The following CD200 variants were observed in gnomAD, a reference collection of about 807,000 sequenced individuals.
CD200 encodes CD200 molecule.
Under a neutral mutation model 30.9 loss-of-function variants are expected in CD200, and 15 were observed. That is an observed-to-expected ratio of 0.49 (90% CI 0.32 to 0.75). CD200 has a LOEUF of 0.75. Ranked by LOEUF, CD200 falls within the 30% of genes least tolerant of loss-of-function variation. The probability of loss-of-function intolerance (pLI) is 0.03; values close to 1 mark genes in which losing one functional copy is unlikely to be tolerated. For missense variants in CD200, 262 were observed against 324.2 expected (o/e 0.81, Z 1.47); for synonymous variants, 134 against 126.2 (o/e 1.06, Z -0.41).
rs889796353 is a variant in CD200, at chr3:112,335,980, C to G, written c.12+2756C>G. 6.2e-6 allele frequency: 10 copies of G among 1,612,562 alleles called. No individual in the cohort carries two copies. The African/African-American group carries it at 1.3e-4, about 22-fold the overall frequency. On this transcript the variant is annotated intron_variant, in intron 1 of 5. Coordinates refer to ENST00000315711, the MANE Select transcript of CD200 (RefSeq NM_005944.7). ...ACAATTGGGGGCCCTCTCCTTACAGCTACACTCCTAGGAAAGACCACCATC... is the reference window on the plus strand; with the variant it reads ...ACAATTGGGGGCCCTCTCCTTACAGGTACACTCCTAGGAAAGACCACCATC...
At position 112,356,426 on chromosome 3, in the gene CD200, T is replaced by C. The variant is rs138241825; in HGVS notation, c.803-5117T>C. ...CATGATATTTCTATATATGTATACA[T>C]TGTGGAATGGCTAAATCAAGCTACT... On this transcript the variant is annotated intron_variant, in intron 5 of 5. Coordinates refer to ENST00000315711, the MANE Select transcript of CD200 (RefSeq NM_005944.7). Among the ~76,000 whole-genome samples the C allele has an allele frequency of 4.2e-3, 638 of 152,336 alleles. 13 individuals carry two copies. The highest frequency in any genetic ancestry group is 1.7e-3 in the Non-Finnish European group (116 of 68,028).
intron 2 of CD200, among the ~76,000 whole-genome samples, chr3:112,342,348 T>TC (rs2081272846): frequency 4.3e-4 from 4 of 9,380 alleles, no homozygotes; most frequent in African/African-American, 1.6e-3. Context: ...CTTCTTTCTT[T>TC]CTTTCTTTCT....
intron 1 of CD200, among the ~76,000 whole-genome samples, chr3:112,336,464 A>C (rs573179561): frequency 1.3e-5 from 2 of 152,262 alleles, no homozygotes; most frequent in East Asian, 3.9e-4. Flanking sequence ...AATGAATTCC[A>C]GCAGGGAAGT....
At chr3:112,335,967 C>T (rs2081106336) in intron 1 of CD200, 1 of 1,612,250 alleles carries the variant, frequency 6.2e-7, no homozygotes, top group Non-Finnish European at 8.5e-7. Context: ...AATTGGGGGC[C>T]CTCTCCTTAC....
At chr3:112,343,030 G>A (rs182570963) in intron 2 of CD200, among the ~76,000 whole-genome samples, 2 of 151,984 alleles carry the variant, frequency 1.3e-5, no homozygotes, top group South Asian at 2.1e-4. Context: ...TATTCATTTA[G>A]TATGAGTTAT....
intron 2 of CD200, among the ~76,000 whole-genome samples, chr3:112,344,148 G>A (rs2081330867): frequency 6.6e-6 from 1 of 152,058 alleles, no homozygotes; most frequent in African/African-American, 2.4e-5. Flanking sequence ...ATGTATTCAT[G>A]TCAAAGTATT....
intron 3 of CD200, among the ~76,000 whole-genome samples, chr3:112,346,292 A>T: frequency 6.9e-6 from 1 of 145,454 alleles, no homozygotes; most frequent in African/African-American, 2.6e-5. Flanking sequence ...CCTTCCTCCT[A>T]ATTTTTCTTT....
At chr3:112,338,687 T>C (rs2081173085) in intron 1 of CD200, among the ~76,000 whole-genome samples, 1 of 152,204 alleles carries the variant, frequency 6.6e-6, no homozygotes, top group Non-Finnish European at 1.5e-5. Context: ...AAAAACAGCT[T>C]CAAAATTGAA....
At chr3:112,333,857 T>C (rs1416239317) in intron 1 of CD200, 2 of 985,264 alleles carry the variant, frequency 2.0e-6, no homozygotes, top group African/African-American at 3.5e-5. Context: ...TAACCCCGGG[T>C]ATCTAGAGAA....
intron 2 of CD200, among the ~76,000 whole-genome samples, chr3:112,342,270 T>TGTCC (rs2081254515): frequency 8.4e-6 from 1 of 118,426 alleles, no homozygotes; most frequent in African/African-American, 3.3e-5. Context: ...CTCTGAGAAC[T>TGTCC]GTCCTTCCTT....
At chr3:112,358,426 GAAATGAACTTGTGATGCCT>G (rs2081670071) in intron 5 of CD200, among the ~76,000 whole-genome samples, 1 of 152,090 alleles carries the variant, frequency 6.6e-6, no homozygotes, top group Admixed American at 6.5e-5. Context: ...TGCGTATACT[GAAATGAACTTGTGATGCCT>G]AGATGAACTT....
In CD200 at chr3:112,348,332, C is replaced by T. The variant is rs764995811; in HGVS notation, c.694+502C>T. Among the ~76,000 whole-genome samples the T allele has an allele frequency of 1.4e-4, 22 of 151,888 alleles. 1 individual carries two copies. The highest frequency in any genetic ancestry group is 1.2e-4 in the Non-Finnish European group (8 of 67,932). On this transcript the variant is annotated intron_variant, in intron 4 of 5. Transcript: ENST00000315711. ...TTGGAAGGTTTCCTGGAAGAAGTGA[C>T]ATCTGTGATGAAATCACTGTATAAT... is the stretch of plus-strand genomic sequence containing the variant.
upstream of CD200, chr3:112,333,038 G>A: frequency 1.2e-6 from 1 of 851,494 alleles, no homozygotes; most frequent in Non-Finnish European, 1.8e-6. Flanking sequence ...CCCCCACACA[G>A]ACAGCCTCCG....
At position 112,356,357 on chromosome 3, in the gene CD200, T is replaced by C. The variant is rs902597012; in HGVS notation, c.803-5186T>C. ...ACTTATTATGAATTTTTGTTTTTAT[T>C]TTTTTAATTGAAAACAGAAATTTTA... On this transcript the variant is annotated intron_variant, in intron 5 of 5. Transcript: ENST00000315711. 5.5e-3 allele frequency among the ~76,000 whole-genome samples: 10 copies of C among 1,824 alleles called. No homozygotes were observed. The South Asian group carries it at 0.059, about 11-fold the overall frequency. 1.2% of individuals were successfully genotyped at this position (1,824 alleles called of 152,430 possible).
chr3:112,345,175 A>G lies in CD200; in HGVS notation c.308A>G (p.Asn103Ser), dbSNP rs1397819821. Residue 103 changes from asparagine (N) to serine (S), a missense_variant, in exon 3 of 6, where the codon AAC becomes AGC. Transcript: ENST00000315711. ...KINITQLGLQ[N>S]STITFWNITL... The stretch of plus-strand genomic sequence containing the variant: ...AACATTACCCAGCTGGGACTCCAAA[A>G]CTCAACCATCACCTTCTGGAATATC... The G allele has an allele frequency of 6.2e-7, 1 of 1,614,010 alleles. No individual in the cohort carries two copies. The highest frequency in any genetic ancestry group is 8.5e-7 in the Non-Finnish European group (1 of 1,179,954).
In CD200 at chr3:112,349,816, C is replaced by G. The variant is rs758841257; in HGVS notation, c.799C>G (p.Arg267Gly). The G allele has an allele frequency of 6.2e-7, 1 of 1,605,936 alleles. No homozygotes were observed. The highest frequency in any genetic ancestry group is 8.5e-7 in the Non-Finnish European group (1 of 1,176,904). Residue 267 changes from arginine (R) to glycine (G), a missense_variant, in exon 5 of 6, where the codon CGA becomes GGA. Arg to Gly is a moderately radical substitution (Grantham distance 125). Transcript: ENST00000315711. ...LYWKRHRNQD[R>G]EP ...CTGGAAACGTCACCGGAATCAGGAC[C>G]GAGGTGAGTTGTCACAGGGAGTTCA... is the stretch of plus-strand genomic sequence containing the variant.
intron 4 of CD200, among the ~76,000 whole-genome samples, chr3:112,349,074 C>T (rs543621164): frequency 7.2e-5 from 11 of 152,070 alleles, no homozygotes; most frequent in African/African-American, 1.7e-4. Context: ...AATGATGTGA[C>T]GAATCCCATT....
chr3:112,338,215 T>G (rs951698136), intron 1 of CD200, among the ~76,000 whole-genome samples: 7 of 152,140 alleles, frequency 4.6e-5, no homozygotes, highest in African/African-American at 1.7e-4. Flanking sequence ...GAACAGACAC[T>G]TCACATGCGA....
At chr3:112,345,387 C>A in intron 3 of CD200, 99 bp downstream of exon 3, 1 of 912,682 alleles carries the variant, frequency 1.1e-6, no homozygotes, top group Non-Finnish European at 1.7e-6. Flanking sequence ...ATTTTAACCA[C>A]AGAAAGGGTC....
Sources: allele counts gnomAD v4.1 joint callset (sites outside exome capture counted in the v4.1 genomes callset), GRCh38; gene constraint gnomAD v4.1.1; transcripts MANE v1.5; gene names NCBI Gene and HGNC (gene_info 2026-07-23, HGNC 2026-07-21).